The following UNC5A variants were observed in gnomAD, a reference collection of about 807,000 sequenced individuals.
UNC5A encodes the protein netrin receptor UNC5A.
In UNC5A, 20 loss-of-function variants were observed where a neutral mutation model predicts 87.4. That is an observed-to-expected ratio of 0.23 (90% CI 0.16 to 0.33). The LOEUF is 0.33. Among genes scored for constraint, UNC5A ranks in the 10% least tolerant of loss-of-function variants. The probability of loss-of-function intolerance (pLI) is 1.00; values close to 1 mark genes in which losing one functional copy is unlikely to be tolerated. For synonymous variants in UNC5A, 438 were observed against 482.3 expected (o/e 0.91, Z 1.20); for missense variants, 844 against 1,133.4 (o/e 0.74, Z 3.67).
In UNC5A at chr5:176,829,313, AATGGATG is replaced by A. The variant is rs1756937370; in HGVS notation, c.70+18494_70+18500del. On this transcript the variant is annotated intron_variant, in intron 1 of 14. Transcript: ENST00000329542. ...AAGTGGGTGGATGGGTGGATGGATG[AATGGATG>A]TATGAAATATGGATGGATGGATGGA... Among the ~76,000 whole-genome samples the A allele has an allele frequency of 4.7e-4, 4 of 8,518 alleles. No homozygotes were observed. In the Non-Finnish European group the frequency reaches 7.1e-3, roughly 15 times the overall value. 5.6% of individuals were successfully genotyped at this position (8,518 alleles called of 152,430 possible). A position where few individuals can be genotyped will look rare whatever the true frequency, so the allele number is the denominator to read the frequency against.
At chr5:176,863,204 G>A (rs1369811693) in intron 2 of UNC5A, among the ~76,000 whole-genome samples, 1 of 152,240 alleles carries the variant, frequency 6.6e-6, no homozygotes, top group Non-Finnish European at 1.5e-5. Flanking sequence ...CAGGGAGAGA[G>A]GCCCCTCAGG....
chr5:176,869,931 C>G lies in UNC5A; in HGVS notation c.722-439C>G. 1 of 568,264 alleles carries G rather than the reference C, an allele frequency of 1.8e-6. No homozygotes were observed. The highest frequency in any genetic ancestry group is 3.0e-5 in the East Asian group (1 of 33,258). 35.2% of individuals were successfully genotyped at this position (568,264 alleles called of 1,614,324 possible). ...TCAGTCTGAGGCGGGGATCGGGGTGCGGTGTATGGTTGGAGTCAGGGCTCG... is the reference window on the plus strand; with the variant it reads ...TCAGTCTGAGGCGGGGATCGGGGTGGGGTGTATGGTTGGAGTCAGGGCTCG... On this transcript the variant is annotated intron_variant, in intron 5 of 14. Coordinates refer to ENST00000329542, the MANE Select transcript of UNC5A (RefSeq NM_133369.3). This position sits in a 1 kb window ranked among gnomAD's most constrained non-coding sequence, Gnocchi z 9.1.
At position 176,869,867 on chromosome 5, in the gene UNC5A, C is replaced by G. The variant is rs938398987; in HGVS notation, c.722-503C>G. 1 of 578,336 alleles carries G rather than the reference C, an allele frequency of 1.7e-6. No individual in the cohort carries two copies. The highest frequency in any genetic ancestry group is 3.1e-6 in the Non-Finnish European group (1 of 322,956). 35.8% of individuals were successfully genotyped at this position (578,336 alleles called of 1,614,324 possible). A position where few individuals can be genotyped will look rare whatever the true frequency, so the allele number is the denominator to read the frequency against. ...CATCGCGCCCACCAGCCTGCCCCCC[C>G]ATGGCTCCATCCCACCCACCCGCCA... On this transcript the variant is annotated intron_variant, in intron 5 of 14. Transcript: ENST00000329542. The surrounding 1 kb of genome is among the most constrained non-coding windows in gnomAD (Gnocchi z 9.1).
Position 176,879,374 on chromosome 5 carries a change from C to A in UNC5A, c.2249C>A (p.Pro750His). 1 of 1,613,028 alleles carries A rather than the reference C, an allele frequency of 6.2e-7. No homozygotes were observed. ...GCGGGGGTCCCAGCCCTGGTGGGCCCCAGTGCCTTCAAGATCCCCTTCCTC... is the reference window on the plus strand; with the variant it reads ...GCGGGGGTCCCAGCCCTGGTGGGCCACAGTGCCTTCAAGATCCCCTTCCTC... ...SEAGVPALVGPSAFKIPFLIR... is the reference protein window; with the variant it reads ...SEAGVPALVGHSAFKIPFLIR... Residue 750 changes from proline to histidine, a missense_variant, in exon 14 of 15, where the codon CCC becomes CAC. Around this residue, in one of 3 missense-constraint regions of UNC5A, gnomAD observed 177 missense variants for 279.4 expected, o/e 0.63. Transcript: ENST00000329542.
At chr5:176,864,876 C>G (rs753417991) in intron 2 of UNC5A, 14 of 455,398 alleles carry the variant, frequency 3.1e-5, no homozygotes, top group Non-Finnish European at 6.2e-5. Context: ...ACCAACACCT[C>G]CCAGGACCAG....
chr5:176,822,976 A>G (rs979889599), intron 1 of UNC5A, among the ~76,000 whole-genome samples: 1 of 152,098 alleles, frequency 6.6e-6, no homozygotes, highest in African/African-American at 2.4e-5. Context: ...AGGAAGATTA[A>G]TCTGGCAGCC....
chr5:176,876,164 T>C (rs1449429636), intron 8 of UNC5A, among the ~76,000 whole-genome samples: 5 of 152,226 alleles, frequency 3.3e-5, no homozygotes, highest in Non-Finnish European at 5.9e-5. Context: ...AGTTGATGAA[T>C]GAGGATGTAA....
At chr5:176,858,806 A>AG (rs1757742032) in intron 1 of UNC5A, among the ~76,000 whole-genome samples, 1 of 123,422 alleles carries the variant, frequency 8.1e-6, no homozygotes, top group Non-Finnish European at 1.8e-5. Flanking sequence ...GAGGGAGGGA[A>AG]GGAAAGAAAG....
At chr5:176,834,855 T>C (rs974284996) in intron 1 of UNC5A, among the ~76,000 whole-genome samples, 5 of 152,160 alleles carry the variant, frequency 3.3e-5, no homozygotes, top group Non-Finnish European at 2.9e-5. Flanking sequence ...TACAACTCAA[T>C]CTGCCACTGT....
chr5:176,878,441 C>T (rs201343022), intron 12 of UNC5A, 34 bp from the exon 13 acceptor site: 2 of 1,611,744 alleles, frequency 1.2e-6, no homozygotes, highest in East Asian at 2.2e-5. Context: ...GGAGCTTGGG[C>T]TCACCTGACA....
chr5:176,868,868 C>G lies in UNC5A; in HGVS notation c.625C>G (p.Arg209Gly). The change falls in exon 5 of 15, where the codon CGA becomes GGA. Residue 209 changes from arginine to glycine, a missense_variant. Arg to Gly is a moderately radical substitution (Grantham distance 125). Coordinates refer to ENST00000329542, the MANE Select transcript of UNC5A (RefSeq NM_133369.3). Reference sequence around the variant, plus strand: ...CACGCGGGAGCACAGCCTGGTGGTGCGACAGGCCCGCCTTGCTGACACGGC... The same window carrying G: ...CACGCGGGAGCACAGCCTGGTGGTGGGACAGGCCCGCCTTGCTGACACGGC... Reference protein sequence around the residue: ...YITREHSLVVRQARLADTANY... With the variant: ...YITREHSLVVGQARLADTANY... 6.2e-7 allele frequency: 1 copy of G among 1,612,870 alleles called. No homozygotes were observed. Among genetic ancestry groups the G allele is most frequent in the Non-Finnish European group, 8.5e-7 (1 of 1,179,864 alleles).
intron 1 of UNC5A, among the ~76,000 whole-genome samples, chr5:176,812,766 C>T (rs564642593): frequency 1.3e-5 from 2 of 152,260 alleles, no homozygotes; most frequent in African/African-American, 4.8e-5. Context: ...ATCAACTCTG[C>T]CCCTGGGCCT....
intron 1 of UNC5A, among the ~76,000 whole-genome samples, chr5:176,817,878 G>A (rs1234567371): frequency 2.0e-5 from 3 of 151,866 alleles, no homozygotes; most frequent in Admixed American, 6.6e-5. Context: ...CGGGCGCGGG[G>A]TAATTAACGC....
rs999098308 is a variant in UNC5A at position 176,828,253 on chromosome 5, A to C, written c.70+17433A>C. Among the ~76,000 whole-genome samples the C allele has an allele frequency of 7.9e-5, 12 of 152,192 alleles. 1 individual carries two copies. Among genetic ancestry groups the C allele is most frequent in the Non-Finnish European group, 5.9e-5 (4 of 68,042 alleles). ...ATTCCGAATACATTAACATTTTCAC[A>C]TGAAATCATTTCAATTTTTAGTGAT... On this transcript the variant is annotated intron_variant, in intron 1 of 14. Coordinates refer to ENST00000329542, the MANE Select transcript of UNC5A (RefSeq NM_133369.3).
At chr5:176,849,229 T>G (rs1281203992) in intron 1 of UNC5A, among the ~76,000 whole-genome samples, 1 of 152,188 alleles carries the variant, frequency 6.6e-6, no homozygotes, top group Non-Finnish European at 1.5e-5. Flanking sequence ...AAATTAGTTG[T>G]CAATATTTTT....
At chr5:176,862,954 C>A in intron 2 of UNC5A, 109 bp downstream of exon 2, 1 of 1,343,314 alleles carries the variant, frequency 7.4e-7, no homozygotes, top group Non-Finnish European at 1.0e-6. Context: ...ACCCCGGAGG[C>A]CTTCCCCAGA....
At chr5:176,843,115 C>T (rs1441032063) in intron 1 of UNC5A, among the ~76,000 whole-genome samples, 3 of 149,486 alleles carry the variant, frequency 2.0e-5, no homozygotes, top group African/African-American at 2.5e-5. Flanking sequence ...GAGCCGAGAT[C>T]GCGTCATTGC....
chr5:176,879,627 T>C, intron 14 of UNC5A, 94 bp from the exon 15 acceptor site: 4 of 1,558,090 alleles, frequency 2.6e-6, no homozygotes, highest in Admixed American at 3.7e-5. Context: ...TGTGTTTGGC[T>C]TCGGGGAGGC....
At chr5:176,830,333 A>G (rs937860291) in intron 1 of UNC5A, among the ~76,000 whole-genome samples, 2 of 152,108 alleles carry the variant, frequency 1.3e-5, no homozygotes, top group Non-Finnish European at 2.9e-5. Context: ...TCCATGGGGC[A>G]TGGGTGCGGT....
Sources: gnomAD v4.1 joint callset for allele counts (sites outside exome capture counted in the v4.1 genomes callset) on GRCh38, gnomAD v4.1.1 for gene constraint, gnomAD v4.1.1 regional missense constraint, Gnocchi (gnomAD v3.1) non-coding constraint, MANE v1.5 for transcripts, NCBI Gene and HGNC (gene_info 2026-07-23, HGNC 2026-07-21) for gene names.